EBF1: variants seen among roughly 807,000 people sequenced by gnomAD.
EBF1 encodes the protein transcription factor COE1.
Under a neutral mutation model 68.4 loss-of-function variants are expected in EBF1, and 10 were observed. That is an observed-to-expected ratio of 0.15 (90% CI 0.09 to 0.25). The LOEUF (loss-of-function observed/expected upper bound fraction) is 0.25, where lower values mean the gene tolerates loss of function less well. Among genes scored for constraint, EBF1 ranks in the 10% least tolerant of loss-of-function variants. EBF1 has a pLI of 1.00. For missense variants in EBF1, 509 were observed against 794.4 expected, an observed-to-expected ratio of 0.64 and a Z score of 4.32; for synonymous variants, 298 against 299.8, an observed-to-expected ratio of 0.99 and a Z score of 0.06.
intron 15 of EBF1, among the ~76,000 whole-genome samples, chr5:158,701,198 AT>A (rs1756691984): frequency 6.6e-6 from 1 of 152,102 alleles, no homozygotes; most frequent in South Asian, 2.1e-4. Flanking sequence ...ACCAAAATCT[AT>A]TCTGCGTGCC....
At chr5:158,731,718 G>C (rs1161445572) in intron 10 of EBF1, among the ~76,000 whole-genome samples, 1 of 152,096 alleles carries the variant, frequency 6.6e-6, no homozygotes, top group Non-Finnish European at 1.5e-5. Context: ...CAAAGGGATG[G>C]GTATTGAAAA....
At chr5:159,034,576 C>T (rs1050283422) in intron 6 of EBF1, among the ~76,000 whole-genome samples, 3 of 152,118 alleles carry the variant, frequency 2.0e-5, no homozygotes, top group Non-Finnish European at 2.9e-5. Context: ...CTGCTTCCAG[C>T]GAGGCCTGAC....
intron 9 of EBF1, among the ~76,000 whole-genome samples, chr5:158,785,750 A>G (rs1777301481): frequency 6.6e-6 from 1 of 152,204 alleles, no homozygotes; most frequent in African/African-American, 2.4e-5. Context: ...AAGTCTCAGG[A>G]ATTGAGTTAA....
At chr5:158,767,155 T>A (rs1772882388) in intron 10 of EBF1, among the ~76,000 whole-genome samples, 3 of 152,308 alleles carry the variant, frequency 2.0e-5, no homozygotes, top group Admixed American at 2.0e-4. Flanking sequence ...TTGTGAGAGC[T>A]TATCTGTCTC....
intron 6 of EBF1, among the ~76,000 whole-genome samples, chr5:158,872,231 G>T (rs1797004573): frequency 6.7e-6 from 1 of 148,616 alleles, no homozygotes; most frequent in Non-Finnish European, 1.5e-5. Flanking sequence ...GAGCCTCATT[G>T]TGTCACCCAG....
chr5:158,725,625 T>C (rs1245252298), intron 11 of EBF1, among the ~76,000 whole-genome samples: 1 of 152,248 alleles, frequency 6.6e-6, no homozygotes. Context: ...TTAAAATGAA[T>C]GCAGTTCATT....
At chr5:158,893,896 A>G (rs954722268) in intron 6 of EBF1, among the ~76,000 whole-genome samples, 1 of 152,150 alleles carries the variant, frequency 6.6e-6, no homozygotes, top group Non-Finnish European at 1.5e-5. Context: ...CAGTTTCAAA[A>G]TGGTTCTTGT....
intron 6 of EBF1, among the ~76,000 whole-genome samples, chr5:159,021,002 G>T (rs550818789): frequency 6.6e-6 from 1 of 152,144 alleles, no homozygotes; most frequent in Non-Finnish European, 1.5e-5. Context: ...ACCTCTTCCC[G>T]AGAAGACTCG....
intron 6 of EBF1, among the ~76,000 whole-genome samples, chr5:158,932,114 A>G (rs1583268641): frequency 6.6e-6 from 1 of 152,220 alleles, no homozygotes; most frequent in Non-Finnish European, 1.5e-5. Flanking sequence ...GCACTTTGGT[A>G]TTGCATCAAG....
At chr5:158,746,137 TCTC>T (rs1455356202) in intron 10 of EBF1, among the ~76,000 whole-genome samples, 9 of 152,280 alleles carry the variant, frequency 5.9e-5, no homozygotes, top group African/African-American at 2.2e-4. Context: ...TGCAAATGGT[TCTC>T]CTAAGGTACA....
chr5:158,818,600 A>G (rs1305010196), intron 8 of EBF1, among the ~76,000 whole-genome samples: 4 of 152,192 alleles, frequency 2.6e-5, no homozygotes, highest in African/African-American at 9.6e-5. Context: ...TTATTCTTCA[A>G]AATACTTTGA....
intron 8 of EBF1, among the ~76,000 whole-genome samples, chr5:158,804,172 G>A (rs1418203758): frequency 6.6e-6 from 1 of 151,612 alleles, no homozygotes; most frequent in Non-Finnish European, 1.5e-5. Context: ...TCGCAGAAAA[G>A]AAGAAAAGGA....
chr5:159,045,914 T>C (rs573902312), intron 6 of EBF1, among the ~76,000 whole-genome samples: 4 of 152,172 alleles, frequency 2.6e-5, no homozygotes, highest in Non-Finnish European at 5.9e-5. Context: ...ACAGTTCACC[T>C]TGATTCTCTT....
At chr5:158,777,965 A>G (rs924338286) in intron 9 of EBF1, among the ~76,000 whole-genome samples, 1 of 152,198 alleles carries the variant, frequency 6.6e-6, no homozygotes, top group African/African-American at 2.4e-5. Context: ...AGGCCAAGGC[A>G]CTGTGATTAG....
intron 5 of EBF1, among the ~76,000 whole-genome samples, chr5:159,079,581 T>A (rs755543167): frequency 1.3e-4 from 19 of 150,952 alleles, no homozygotes; most frequent in Non-Finnish European, 2.7e-4. Context: ...ACTCCCCCTC[T>A]TTGAAACACC....
At chr5:158,719,507 G>A (rs1761488482) in intron 11 of EBF1, among the ~76,000 whole-genome samples, 1 of 152,272 alleles carries the variant, frequency 6.6e-6, no homozygotes, top group South Asian at 2.1e-4. Flanking sequence ...TTCACCATCT[G>A]TGGGAGTCCT....
At chr5:159,091,056 C>T (rs988027744) in intron 4 of EBF1, among the ~76,000 whole-genome samples, 12 of 152,202 alleles carry the variant, frequency 7.9e-5, no homozygotes, top group Non-Finnish European at 1.5e-4. Context: ...AACACTCCTT[C>T]ATCGCTCTCA....
chr5:158,818,208 G>C (rs978459998), intron 8 of EBF1, among the ~76,000 whole-genome samples: 1 of 152,094 alleles, frequency 6.6e-6, no homozygotes, highest in Admixed American at 6.5e-5. Context: ...ATACAGAAGG[G>C]AAAAGAGACA....
intron 6 of EBF1, among the ~76,000 whole-genome samples, chr5:159,040,194 C>T (rs1378578496): frequency 1.3e-5 from 2 of 152,134 alleles, no homozygotes; most frequent in African/African-American, 2.4e-5. Flanking sequence ...TGCCGCACAC[C>T]AGCACCACAC....
Sources: gnomAD v4.1 joint callset for allele counts (sites outside exome capture counted in the v4.1 genomes callset) on GRCh38, gnomAD v4.1.1 for gene constraint, MANE v1.5 for transcripts, NCBI Gene and HGNC (gene_info 2026-07-23, HGNC 2026-07-21) for gene names.